Variants in KLHL13 observed in about 807,000 individuals in gnomAD.
The protein encoded by KLHL13 is kelch-like protein 13.
In KLHL13, 10 loss-of-function variants were observed where a neutral mutation model predicts 37.1. That is an observed-to-expected ratio of 0.27 (90% CI 0.17 to 0.46). KLHL13 has a LOEUF of 0.46. Among genes scored for constraint, KLHL13 ranks in the 20% least tolerant of loss-of-function variants. The pLI is 1.00. For missense variants in KLHL13, 360 were observed against 509.3 expected, an observed-to-expected ratio of 0.71 and a Z score of 2.82; for synonymous variants, 163 against 181.2, an observed-to-expected ratio of 0.90 and a Z score of 0.81.
intron 1 of KLHL13, among the ~76,000 whole-genome samples, chrX:118,002,147 C>G (rs2053928517): frequency 9.0e-6 from 1 of 111,565 alleles, no homozygotes; most frequent in Non-Finnish European, 1.9e-5. Flanking sequence ...CTTAATGAGT[C>G]TCTACTTTGC....
At chrX:117,934,487 A>T (rs781631269) in intron 2 of KLHL13, among the ~76,000 whole-genome samples, 11 of 110,502 alleles carry the variant, frequency 1.0e-4, no homozygotes, top group African/African-American at 3.6e-4. Flanking sequence ...TCTCCTACTA[A>T]CTTTGCCAAG....
chrX:118,021,379 T>C (rs1400554024), intron 1 of KLHL13, among the ~76,000 whole-genome samples: 5 of 106,285 alleles, frequency 4.7e-5, no homozygotes, highest in African/African-American at 1.7e-4. Context: ...CCTAATGTTA[T>C]CCCTCCCCCC....
intron 1 of KLHL13, among the ~76,000 whole-genome samples, chrX:118,020,519 T>C (rs1288240125): frequency 4.5e-5 from 5 of 110,496 alleles, no homozygotes; most frequent in East Asian, 5.7e-4. Context: ...TGTGGAGAAA[T>C]AGGAACACTT....
intron 1 of KLHL13, among the ~76,000 whole-genome samples, chrX:118,054,524 A>G (rs983133691): frequency 2.7e-5 from 3 of 111,972 alleles, no homozygotes; most frequent in South Asian, 7.4e-4. Flanking sequence ...GCTGAAATCT[A>G]AAGTCCGTGC....
intron 1 of KLHL13, among the ~76,000 whole-genome samples, chrX:118,094,252 T>A (rs1042940216): frequency 7.2e-5 from 8 of 110,821 alleles, no homozygotes; most frequent in African/African-American, 2.6e-4. Context: ...TGCACAAGCC[T>A]CAGTAGCCGA....
chrX:118,094,349 AC>A (rs1235497398), intron 1 of KLHL13, among the ~76,000 whole-genome samples: 1 of 111,623 alleles, frequency 9.0e-6, no homozygotes, highest in African/African-American at 3.3e-5. Context: ...AAAAAAGAGT[AC>A]AAAGAAATGA....
chrX:118,081,582 A>T (rs767685689), intron 1 of KLHL13, among the ~76,000 whole-genome samples: 1 of 111,779 alleles, frequency 8.9e-6, no homozygotes, highest in Non-Finnish European at 1.9e-5. Flanking sequence ...AACATTTATC[A>T]TTTCTTTGTG....
Position 118,032,242 on chromosome X carries a change from G to A in KLHL13, c.-56+84266C>T, listed in dbSNP as rs762702257. Reference sequence around the variant, plus strand: ...CTTGAACTGGTTGGAGCCCACCACAGCTCAAGGAGACCTGCCTGCCTCTGC... The same window carrying A: ...CTTGAACTGGTTGGAGCCCACCACAACTCAAGGAGACCTGCCTGCCTCTGC... On this transcript the variant is annotated intron_variant, in intron 1 of 6. Coordinates refer to the KLHL13 transcript ENST00000371882. 3.2e-3 allele frequency among the ~76,000 whole-genome samples: 355 copies of A among 112,075 alleles called. 1 individual carries two copies. Among genetic ancestry groups the A allele is most frequent in the African/African-American group, 0.011 (324 of 30,620 alleles).
chrX:118,104,764 A>G (rs191851655), intron 1 of KLHL13, among the ~76,000 whole-genome samples: 43 of 112,038 alleles, frequency 3.8e-4, no homozygotes, highest in African/African-American at 1.3e-3. Context: ...TTGTGGCCAC[A>G]TTTGTTTCAA....
intron 1 of KLHL13, among the ~76,000 whole-genome samples, chrX:118,088,221 T>C (rs1602712918): frequency 8.9e-6 from 1 of 112,238 alleles, no homozygotes; most frequent in East Asian, 2.8e-4. Flanking sequence ...CAATCTACAT[T>C]TACTGTTTCA....
At chrX:118,005,690 C>T (rs1191127604) in intron 1 of KLHL13, among the ~76,000 whole-genome samples, 2 of 111,414 alleles carry the variant, frequency 1.8e-5, no homozygotes, top group African/African-American at 6.5e-5. Context: ...GGCCTCTGGA[C>T]GCTGGGAAAG....
At chrX:118,032,681 C>G (rs918533877) in intron 1 of KLHL13, among the ~76,000 whole-genome samples, 1 of 112,053 alleles carries the variant, frequency 8.9e-6, no homozygotes, top group Non-Finnish European at 1.9e-5. Flanking sequence ...AAAAGCAGAG[C>G]ACCTCTCCTC....
At chrX:117,973,595 C>T in exon 1 of KLHL13, 1 of 876,013 alleles carries the variant, frequency 1.1e-6, no homozygotes, top group Non-Finnish European at 1.4e-6. Context: ...CTTCTAGTAG[C>T]TTCTGATTCA....
intron 1 of KLHL13, among the ~76,000 whole-genome samples, chrX:118,108,212 A>G (rs2055367078): frequency 8.9e-6 from 1 of 112,140 alleles, no homozygotes; most frequent in Non-Finnish European, 1.9e-5. Flanking sequence ...ATAGACTGTA[A>G]AAGCACTTCA....
At chrX:118,033,146 G>C (rs887857574) in intron 1 of KLHL13, among the ~76,000 whole-genome samples, 2 of 111,352 alleles carry the variant, frequency 1.8e-5, no homozygotes, top group Non-Finnish European at 3.8e-5. Flanking sequence ...GGGGGGAATG[G>C]AACCAAGTTG....
chrX:117,992,234 TAAA>T (rs773486522), intron 1 of KLHL13, among the ~76,000 whole-genome samples: 2 of 83,991 alleles, frequency 2.4e-5, no homozygotes. Flanking sequence ...AACTGAGATG[TAAA>T]AAAAAAAAAA....
chrX:117,917,751 A>G (rs748613511), intron 4 of KLHL13, among the ~76,000 whole-genome samples: 6 of 112,152 alleles, frequency 5.3e-5, no homozygotes, highest in Admixed American at 1.9e-4. Context: ...AAACTTCTGC[A>G]TTAGAGGATA....
intron 5 of KLHL13, among the ~76,000 whole-genome samples, chrX:117,902,526 C>T (rs1930164861): frequency 9.0e-6 from 1 of 111,663 alleles, no homozygotes; most frequent in South Asian, 3.7e-4. Context: ...ACCATCATTG[C>T]AGCCAGTACT....
intron 1 of KLHL13, among the ~76,000 whole-genome samples, chrX:118,036,651 C>G (rs2054445731): frequency 9.0e-6 from 1 of 111,605 alleles, no homozygotes; most frequent in Non-Finnish European, 1.9e-5. Context: ...TAGAAGAAAA[C>G]ATAGGCATTA....
Sources: allele counts gnomAD v4.1 joint callset (sites outside exome capture counted in the v4.1 genomes callset), GRCh38; gene constraint gnomAD v4.1.1; transcripts MANE v1.5; gene names NCBI Gene and HGNC (gene_info 2026-07-23, HGNC 2026-07-21).